SIGLEC12: variants seen among roughly 807,000 people sequenced by gnomAD.
SIGLEC12 encodes sialic acid-binding Ig-like lectin 12.
SIGLEC12 carries 43 observed loss-of-function variants against 54.1 expected under a neutral mutation model. The ratio of observed to expected loss-of-function variants is 0.80; its 90% CI spans 0.62 to 1.03. The LOEUF is 1.03. Ranked by LOEUF, SIGLEC12 falls within the 50% of genes least tolerant of loss-of-function variation. The probability of loss-of-function intolerance (pLI) is 0.00; values close to 1 mark genes in which losing one functional copy is unlikely to be tolerated. For missense variants in SIGLEC12, 802 were observed against 735.2 expected, an observed-to-expected ratio of 1.09 and a Z score of -1.05; for synonymous variants, 357 against 307.6, an observed-to-expected ratio of 1.16 and a Z score of -1.68.
chr19:51,492,284 G>A (rs1275095779), intron 7 of SIGLEC12, among the ~76,000 whole-genome samples: 2 of 152,128 alleles, frequency 1.3e-5, no homozygotes, highest in African/African-American at 2.4e-5. Flanking sequence ...ACTGAAGGAG[G>A]TGGCAATAAA....
chr19:51,494,296 T>C (rs1160928972), intron 7 of SIGLEC12, among the ~76,000 whole-genome samples: 2 of 152,226 alleles, frequency 1.3e-5, no homozygotes, highest in East Asian at 3.8e-4. Context: ...GTTTCAAAAA[T>C]AGGCTTAAAC....
In SIGLEC12 at chr19:51,491,579, T is replaced by A; in HGVS notation, c.*62A>T. 1 of 1,501,478 alleles carries A rather than the reference T, an allele frequency of 6.7e-7. No individual in the cohort carries two copies. The highest frequency in any genetic ancestry group is 9.3e-7 in the Non-Finnish European group (1 of 1,080,922). 93.0% of individuals were successfully genotyped at this position (1,501,478 alleles called of 1,614,324 possible). On this transcript the variant is annotated 3_prime_UTR_variant, in exon 8 of 8. Transcript: ENST00000291707. ...GGGCTGTTAATTCTAAAGGAATCAG[T>A]CTCGGGCTTCTTTGCTGCAGGGGTC...
Position 51,491,426 on chromosome 19 carries a change from T to C in SIGLEC12, c.*215A>G. 1.9e-6 allele frequency: 1 copy of C among 538,006 alleles called. No homozygotes were observed. Among genetic ancestry groups the C allele is most frequent in the South Asian group, 2.2e-5 (1 of 44,926 alleles). The allele number at this position is 538,006 out of a possible 1,614,324, so 33.3% of individuals were successfully genotyped here. On this transcript the variant is annotated 3_prime_UTR_variant, in exon 8 of 8. Coordinates refer to ENST00000291707, the MANE Select transcript of SIGLEC12 (RefSeq NM_053003.4). The stretch of plus-strand genomic sequence containing the variant: ...CTCAGAGAAGTAGAGAAGAGAATGG[T>C]GGGTACCAGAGGCCGGGGGCGGGGA...
chr19:51,501,626 C>T lies in SIGLEC12; in HGVS notation c.108G>A (p.Glu36=). 1 of 1,614,214 alleles carries T rather than the reference C, an allele frequency of 6.2e-7. No individual in the cohort carries two copies. Among genetic ancestry groups the T allele is most frequent in the South Asian group, 1.1e-5 (1 of 91,092 alleles). Residue 36 remains glutamate (E), a synonymous_variant, in exon 1 of 8, where the codon GAG becomes GAA. Transcript: ENST00000291707. ...LTMQKSVTVQ[E]GLCVSVLCSF... ...AGCAAAGCACAGAGACACACAGGCC[C>T]TCCTGCACCGTCACGGACTTCTGCA...
chr19:51,497,203 T>C, intron 6 of SIGLEC12, 146 bp downstream of exon 6: 2 of 896,792 alleles, frequency 2.2e-6, no homozygotes, highest in Non-Finnish European at 3.4e-6. Flanking sequence ...GGGGCGCTCA[T>C]GAAATTCTTA....
rs80325547 is a variant in SIGLEC12, at chr19:51,497,465, G to T, written c.1406-20C>A. The T allele has an allele frequency of 5.3e-3, 8,327 of 1,585,890 alleles. 372 individuals carry two copies. The African/African-American group carries it at 0.097, about 18-fold the overall frequency. On this transcript the variant is annotated intron_variant, in intron 5 of 7. Coordinates refer to ENST00000291707, the MANE Select transcript of SIGLEC12 (RefSeq NM_053003.4). ...TTTTGCCTGAGGATGGATTGGAGTT[G>T]TTTTGGGGTTTACCCTCCAAGAACT... is the stretch of plus-strand genomic sequence containing the variant.
At position 51,493,632 on chromosome 19, in the gene SIGLEC12, A is replaced by T. The variant is rs73575407; in HGVS notation, c.1600-1803T>A. Reference sequence around the variant, plus strand: ...ATTCTACCCATGGATTGGGGCAAAAATCTGGAAGTCTTCTTGCTCCCTCTC... The same window carrying T: ...ATTCTACCCATGGATTGGGGCAAAATTCTGGAAGTCTTCTTGCTCCCTCTC... On this transcript the variant is annotated intron_variant, in intron 7 of 7. Coordinates refer to ENST00000291707, the MANE Select transcript of SIGLEC12 (RefSeq NM_053003.4). 8.5e-3 allele frequency among the ~76,000 whole-genome samples: 1,290 copies of T among 152,202 alleles called. 26 individuals are homozygous for T. The highest frequency in any genetic ancestry group is 0.03 in the African/African-American group (1,233 of 41,522).
At position 51,501,642 on chromosome 19, in the gene SIGLEC12, G is replaced by T. The variant is rs150618212; in HGVS notation, c.92C>A (p.Ser31Tyr). The change falls in exon 1 of 8, where the codon TCC (serine) becomes TAC (tyrosine). Residue 31 changes from serine to tyrosine, a missense_variant. By Grantham distance (144) the Ser-to-Tyr change is moderately radical. Transcript: ENST00000291707. ...ACACAGGCCCTCCTGCACCGTCACG[G>T]ACTTCTGCATTGTCAGCAGGTAATC... is the stretch of plus-strand genomic sequence containing the variant. ...QKDYLLTMQK[S>Y]VTVQEGLCVS... The T allele has an allele frequency of 7.4e-6, 12 of 1,614,056 alleles. No individual in the cohort carries two copies. In the African/African-American group the frequency reaches 8.0e-5, roughly 11 times the overall value.
intron 1 of SIGLEC12, among the ~76,000 whole-genome samples, chr19:51,500,551 GAAA>G (rs1369870156): frequency 6.6e-6 from 1 of 152,094 alleles, no homozygotes; most frequent in African/African-American, 2.4e-5. Flanking sequence ...CAGAGTGAAG[GAAA>G]CCCTAAAGCT....
intron 4 of SIGLEC12, 146 bp from the exon 5 acceptor site, chr19:51,498,433 A>C: frequency 1.5e-6 from 1 of 670,170 alleles, no homozygotes. Context: ...ACTGTTGGGG[A>C]TGTAAACTTG....
rs530774213 is a variant in SIGLEC12 at position 51,501,161 on chromosome 19, G to C, written c.427+146C>G. 8.4e-6 allele frequency: 7 copies of C among 835,374 alleles called. No individual in the cohort carries two copies. The Admixed American group carries it at 1.4e-4, about 16-fold the overall frequency. The allele number at this position is 835,374 out of a possible 1,614,324, so 51.7% of individuals were successfully genotyped here. On this transcript the variant is annotated intron_variant, in intron 1 of 7. Coordinates refer to ENST00000291707, the MANE Select transcript of SIGLEC12 (RefSeq NM_053003.4). ...GGATCAGGAGGGGCATCCAAGGTGC[G>C]GTCCTGGGGAAGCTCAGGCTCTGGT...
chr19:51,501,488 A>C lies in SIGLEC12; in HGVS notation c.246T>G (p.Ala82=), dbSNP rs781778178. Residue 82 remains alanine, a synonymous_variant, in exon 1 of 8, where the codon GCT becomes GCG. Transcript: ENST00000291707. The stretch of plus-strand genomic sequence containing the variant: ...CCCGAGTCTCCTCCTGCACTGCTCG[A>C]GCTGGGTTGTTTGTGGCCACTGGAA... ...RNIPVATNNP[A]RAVQEETRDR... 64 of 1,613,554 alleles carry C rather than the reference A, an allele frequency of 4.0e-5. No individual in the cohort carries two copies. Among genetic ancestry groups the C allele is most frequent in the Non-Finnish European group, 4.9e-5 (58 of 1,179,868 alleles).
Position 51,500,329 on chromosome 19 carries a change from C to T in SIGLEC12, c.428-29G>A, listed in dbSNP as rs750344052. The T allele has an allele frequency of 4.2e-5, 68 of 1,613,992 alleles. No individual in the cohort carries two copies. In the South Asian group the frequency reaches 6.8e-4, roughly 16 times the overall value. On this transcript the variant is annotated intron_variant, in intron 1 of 7. Coordinates refer to ENST00000291707, the MANE Select transcript of SIGLEC12 (RefSeq NM_053003.4). Reference sequence around the variant, plus strand: ...TGGAGAAACGAGGGTCAGCCCAGCCCCCACTGTCCCTCTCTTCATTTGCCC... The same window carrying T: ...TGGAGAAACGAGGGTCAGCCCAGCCTCCACTGTCCCTCTCTTCATTTGCCC...
chr19:51,494,384 A>C (rs369895661), intron 7 of SIGLEC12, among the ~76,000 whole-genome samples: 61 of 152,374 alleles, frequency 4.0e-4, no homozygotes, highest in African/African-American at 1.4e-3. Flanking sequence ...AGAAAATGCA[A>C]ATCAAAGCCT....
rs530162445 is a variant in SIGLEC12, at chr19:51,501,234, G to A, written c.427+73C>T. The A allele has an allele frequency of 3.4e-6, 5 of 1,491,464 alleles. No individual in the cohort carries two copies. The African/African-American group carries it at 4.1e-5, about 12-fold the overall frequency. The allele number at this position is 1,491,464 out of a possible 1,614,324, so 92.4% of individuals were successfully genotyped here. A position where few individuals can be genotyped will look rare whatever the true frequency, so the allele number is the denominator to read the frequency against. On this transcript the variant is annotated intron_variant, in intron 1 of 7. Coordinates refer to ENST00000291707, the MANE Select transcript of SIGLEC12 (RefSeq NM_053003.4). Reference sequence around the variant, plus strand: ...CACCCCCGGCCCCCTCCCAGGACATGTGTCCCGTCTCAGCCGTGCCCTAAA... The same window carrying A: ...CACCCCCGGCCCCCTCCCAGGACATATGTCCCGTCTCAGCCGTGCCCTAAA...
Position 51,498,139 on chromosome 19 carries a change from A to G in SIGLEC12, c.1284T>C (p.Leu428=). The G allele has an allele frequency of 2.5e-6, 4 of 1,614,210 alleles. No individual in the cohort carries two copies. Among genetic ancestry groups the G allele is most frequent in the Non-Finnish European group, 3.4e-6 (4 of 1,180,034 alleles). ...GCACTCGAGGCAGCTCCAGCACCCC[A>G]AGGTTCGAGGACTGTGAGGGGCTCA... The part of the protein sequence containing the change: ...LTLSPSQSSN[L]GVLELPRVHV... Residue 428 remains leucine (L), a synonymous_variant, in exon 5 of 8, where the codon CTT becomes CTC. Coordinates refer to ENST00000291707, the MANE Select transcript of SIGLEC12 (RefSeq NM_053003.4).
rs1990361449 is a variant in SIGLEC12, at chr19:51,500,278, T to C, written c.450A>G (p.Arg150=). 1 of 1,614,026 alleles carries C rather than the reference T, an allele frequency of 6.2e-7. No individual in the cohort carries two copies. Among genetic ancestry groups the C allele is most frequent in the Non-Finnish European group, 8.5e-7 (1 of 1,180,022 alleles). The change falls in exon 2 of 8, where the codon AGA becomes AGG. Residue 150 remains arginine, a synonymous_variant. Transcript: ENST00000291707. ...NVTASQDLLS[R]YRLEVPESVT... ...CCGACTCTGGCACCTCCAGCCTGTA[T>C]CTTGACAGTAGGTCCTGGGACGCTG...
Position 51,499,638 on chromosome 19 carries a change from G to A in SIGLEC12, c.887C>T (p.Pro296Leu), listed in dbSNP as rs1183163626. ...GHPRNLTCSV[P>L]WACEQGTPPT... Reference sequence around the variant, plus strand: ...GGGCGTCCCCTGTTCACAGGCCCAGGGCACAGAGCAGGTCAGGTTCCTGGG... The same window carrying A: ...GGGCGTCCCCTGTTCACAGGCCCAGAGCACAGAGCAGGTCAGGTTCCTGGG... The change falls in exon 3 of 8, where the codon CCC becomes CTC. Residue 296 changes from proline to leucine, a missense_variant. By Grantham distance (98) the Pro-to-Leu change is moderately conservative. Transcript: ENST00000291707. 1.9e-6 allele frequency: 3 copies of A among 1,614,118 alleles called. No individual in the cohort carries two copies. The highest frequency in any genetic ancestry group is 2.5e-6 in the Non-Finnish European group (3 of 1,179,996).
At chr19:51,492,873 A>G (rs1291981054) in intron 7 of SIGLEC12, among the ~76,000 whole-genome samples, 3 of 152,228 alleles carry the variant, frequency 2.0e-5, no homozygotes, top group Non-Finnish European at 4.4e-5. Flanking sequence ...CTTTAAGTTA[A>G]TCCATGTTTG....
Sources: gnomAD v4.1 joint callset for allele counts (sites outside exome capture counted in the v4.1 genomes callset) on GRCh38, gnomAD v4.1.1 for gene constraint, MANE v1.5 for transcripts, NCBI Gene and HGNC (gene_info 2026-07-23, HGNC 2026-07-21) for gene names.